MAP2K6: variants seen among roughly 807,000 people sequenced by gnomAD.
The protein encoded by MAP2K6 is dual specificity mitogen-activated protein kinase kinase 6.
A neutral mutation model predicts 53.7 loss-of-function variants in MAP2K6; 16 were observed. The ratio of observed to expected loss-of-function variants is 0.30; its 90% CI spans 0.20 to 0.45. The LOEUF is 0.45. Ranked by LOEUF, MAP2K6 falls within the 20% of genes least tolerant of loss-of-function variation. MAP2K6 has a pLI of 1.00. For missense variants in MAP2K6, 204 were observed against 411.9 expected (o/e 0.50, Z 4.37); for synonymous variants, 132 against 143.1 (o/e 0.92, Z 0.55).
chr17:69,430,282 G>A (rs773819366), intron 1 of MAP2K6, among the ~76,000 whole-genome samples: 1 of 152,142 alleles, frequency 6.6e-6, no homozygotes, highest in Non-Finnish European at 1.5e-5. Context: ...GTTGCAGTGA[G>A]CCAAGATCGT....
At chr17:69,508,381 A>G (rs879885251) in intron 2 of MAP2K6, among the ~76,000 whole-genome samples, 5 of 151,874 alleles carry the variant, frequency 3.3e-5, no homozygotes, top group Non-Finnish European at 7.4e-5. Flanking sequence ...TGTAGTTTTA[A>G]TTTACAATTT....
At position 69,496,938 on chromosome 17, in the gene MAP2K6, C is replaced by T. The variant is rs548189876; in HGVS notation, c.17-8842C>T. Among the ~76,000 whole-genome samples, 214 of 152,202 alleles carry T rather than the reference C, an allele frequency of 1.4e-3. 1 individual carries two copies. Among genetic ancestry groups the T allele is most frequent in the Middle Eastern group, 0.01 (3 of 294 alleles). On this transcript the variant is annotated intron_variant, in intron 1 of 11. Transcript: ENST00000590474. ...ATTTGGGGGTGGAAAAGCCAGATGACGAGTATCATTTTTATTACCACTACT... is the reference window on the plus strand; with the variant it reads ...ATTTGGGGGTGGAAAAGCCAGATGATGAGTATCATTTTTATTACCACTACT...
intron 8 of MAP2K6, 91 bp downstream of exon 8, chr17:69,523,732 G>T (rs1910613736): frequency 1.3e-6 from 2 of 1,523,098 alleles, no homozygotes; most frequent in Admixed American, 1.7e-5. Context: ...GAGGGAAAAT[G>T]GAAATGTACC....
intron 1 of MAP2K6, among the ~76,000 whole-genome samples, chr17:69,438,909 G>A (rs11077447): frequency 0.34 from 51,557 of 152,036 alleles, 10,030 homozygotes; most frequent in Admixed American, 0.43. Flanking sequence ...TGCTTTACAC[G>A]AGTCAAAAGA....
At chr17:69,495,114 AAC>A (rs1235846008) in intron 1 of MAP2K6, among the ~76,000 whole-genome samples, 2 of 150,164 alleles carry the variant, frequency 1.3e-5, no homozygotes, top group Admixed American at 1.3e-4. Context: ...AAAAAAAAAA[AAC>A]AACAAATTCA....
chr17:69,488,085 C>T (rs192091928), intron 1 of MAP2K6, among the ~76,000 whole-genome samples: 25 of 152,180 alleles, frequency 1.6e-4, no homozygotes, highest in African/African-American at 5.8e-4. Context: ...TATCTAAAAT[C>T]TATAAGAAAC....
intron 1 of MAP2K6, among the ~76,000 whole-genome samples, chr17:69,454,363 G>A (rs896257860): frequency 2.6e-5 from 4 of 152,070 alleles, no homozygotes; most frequent in African/African-American, 7.2e-5. Flanking sequence ...ATTATCATGG[G>A]TGCATACATA....
chr17:69,486,580 G>A (rs1908545364), intron 1 of MAP2K6, among the ~76,000 whole-genome samples: 1 of 152,120 alleles, frequency 6.6e-6, no homozygotes. Context: ...GGGACTAAGA[G>A]CCCTTTACTT....
chr17:69,522,535 A>G (rs1232038478), intron 7 of MAP2K6, among the ~76,000 whole-genome samples: 1 of 152,196 alleles, frequency 6.6e-6, no homozygotes, highest in African/African-American at 2.4e-5. Flanking sequence ...TCACAAAGGG[A>G]AAAATTAGCT....
intron 10 of MAP2K6, among the ~76,000 whole-genome samples, chr17:69,528,982 C>T (rs548123025): frequency 6.6e-6 from 1 of 151,712 alleles, no homozygotes; most frequent in Non-Finnish European, 1.5e-5. Context: ...AAATTATTCT[C>T]CCTATTACCT....
chr17:69,455,948 C>T (rs1422527990), intron 1 of MAP2K6, among the ~76,000 whole-genome samples: 2 of 151,058 alleles, frequency 1.3e-5, no homozygotes, highest in Admixed American at 6.6e-5. Flanking sequence ...GCAAACTCCA[C>T]CTCCCGGGTT....
intron 1 of MAP2K6, among the ~76,000 whole-genome samples, chr17:69,428,211 G>A (rs2145134046): frequency 6.6e-6 from 1 of 152,336 alleles, no homozygotes; most frequent in East Asian, 1.9e-4. Context: ...TTAAACCACG[G>A]AAATTAATTG....
chr17:69,502,583 T>C lies in MAP2K6; in HGVS notation c.17-3197T>C, dbSNP rs1009052833. ...TGAGGAGCTGATATACTTGGAAATA[T>C]TAGGTTTAAGATATGCAGATGTCCA... On this transcript the variant is annotated intron_variant, in intron 1 of 11. Coordinates refer to ENST00000590474, the MANE Select transcript of MAP2K6 (RefSeq NM_002758.4). 21 of 985,302 alleles carry C rather than the reference T, an allele frequency of 2.1e-5. No individual in the cohort carries two copies. In the African/African-American group the frequency reaches 3.3e-4, roughly 16 times the overall value. The allele number at this position is 985,302 out of a possible 1,614,324, so 61.0% of individuals were successfully genotyped here.
chr17:69,481,726 T>C (rs1189299426), intron 1 of MAP2K6, among the ~76,000 whole-genome samples: 1 of 152,138 alleles, frequency 6.6e-6, no homozygotes, highest in Non-Finnish European at 1.5e-5. Context: ...TTCCTCTTCA[T>C]ATAAGGACAC....
chr17:69,534,023 A>AGAGTG (rs1911228244), intron 10 of MAP2K6, among the ~76,000 whole-genome samples: 3 of 152,160 alleles, frequency 2.0e-5, no homozygotes, highest in Non-Finnish European at 4.4e-5. Context: ...CACTCATGAC[A>AGAGTG]TTTTGGGCTA....
At chr17:69,485,390 TCAGCCTTG>T (rs1194806026) in intron 1 of MAP2K6, 1 of 683,774 alleles carries the variant, frequency 1.5e-6, no homozygotes, top group Non-Finnish European at 1.8e-6. Flanking sequence ...TGCCTGCAAT[TCAGCCTTG>T]CAGAGTTGTT....
chr17:69,539,981 C>T (rs181933157), intron 11 of MAP2K6, among the ~76,000 whole-genome samples: 71 of 152,258 alleles, frequency 4.7e-4, no homozygotes, highest in African/African-American at 1.7e-3. Flanking sequence ...GTGTAAGGAT[C>T]GGAGCCAGCA....
chr17:69,534,930 A>G (rs1252784682), intron 10 of MAP2K6, among the ~76,000 whole-genome samples: 1 of 151,026 alleles, frequency 6.6e-6, no homozygotes, highest in Non-Finnish European at 1.5e-5. Context: ...GTAACCTGGG[A>G]TTCCAACTCC....
intron 5 of MAP2K6, 37 bp from the exon 6 acceptor site, chr17:69,520,233 A>G (rs752491213): frequency 9.7e-7 from 1 of 1,030,506 alleles, no homozygotes; most frequent in Non-Finnish European, 1.5e-6. Flanking sequence ...TCCCTTTTTC[A>G]TCCTTTTAAA....
Sources: allele counts gnomAD v4.1 joint callset (sites outside exome capture counted in the v4.1 genomes callset), GRCh38; gene constraint gnomAD v4.1.1; transcripts MANE v1.5; gene names NCBI Gene and HGNC (gene_info 2026-07-23, HGNC 2026-07-21).